Variants in COL4A6 observed in about 807,000 individuals in gnomAD.
COL4A6 encodes collagen alpha-6(IV) chain.
Under a neutral mutation model 126.7 loss-of-function variants are expected in COL4A6, and 59 were observed. The observed-to-expected ratio is 0.47, with a 90% CI of 0.38 to 0.58. COL4A6 has a LOEUF of 0.58. Ranked by LOEUF, COL4A6 falls within the 20% of genes least tolerant of loss-of-function variation. COL4A6 has a pLI of 0.00. For missense variants in COL4A6, 1,285 were observed against 1,337.3 expected (o/e 0.96, Z 0.61); for synonymous variants, 547 against 496.6 (o/e 1.10, Z -1.35).
chrX:108,221,978 A>G (rs1294960666), intron 3 of COL4A6, among the ~76,000 whole-genome samples: 4 of 112,509 alleles, frequency 3.6e-5, no homozygotes, highest in Non-Finnish European at 7.5e-5. Context: ...TGAATTGCTT[A>G]TTTGTTCTTT....
chrX:108,194,998 C>A, intron 15 of COL4A6, 84 bp downstream of exon 15: 1 of 726,526 alleles, frequency 1.4e-6, no homozygotes. Flanking sequence ...AGTAATGTCT[C>A]CCTTTGGCCA....
chrX:108,326,061 G>C (rs2039150370), intron 2 of COL4A6, among the ~76,000 whole-genome samples: 1 of 111,706 alleles, frequency 9.0e-6, no homozygotes, highest in Non-Finnish European at 1.9e-5. Flanking sequence ...TTGTGCTACA[G>C]GTTCTAGCCA....
intron 3 of COL4A6, among the ~76,000 whole-genome samples, chrX:108,273,110 G>A (rs1297371814): frequency 9.1e-6 from 1 of 109,872 alleles, no homozygotes; most frequent in Non-Finnish European, 1.9e-5. Context: ...ACAGGCCCCG[G>A]TGTGTGACGT....
At chrX:108,199,682 A>G (rs989989947) in intron 13 of COL4A6, among the ~76,000 whole-genome samples, 12 of 111,793 alleles carry the variant, frequency 1.1e-4, no homozygotes, top group African/African-American at 3.9e-4. Flanking sequence ...TTTACAGGAC[A>G]AAAGGGAATG....
At chrX:108,227,435 G>A (rs959355659) in intron 3 of COL4A6, among the ~76,000 whole-genome samples, 10 of 111,325 alleles carry the variant, frequency 9.0e-5, no homozygotes, top group African/African-American at 3.3e-4. Flanking sequence ...ATGTGGCCAA[G>A]GTGGTCAGGC....
chrX:108,414,788 T>C (rs1212356265), intron 2 of COL4A6, among the ~76,000 whole-genome samples: 1 of 110,693 alleles, frequency 9.0e-6, no homozygotes, highest in African/African-American at 3.3e-5. Flanking sequence ...TGAGATCCTG[T>C]CTCAAAAACA....
chrX:108,261,737 T>C, intron 3 of COL4A6, among the ~76,000 whole-genome samples: 1 of 111,515 alleles, frequency 9.0e-6, no homozygotes, highest in African/African-American at 3.3e-5. Flanking sequence ...GGGAGGAGTA[T>C]GTAATTATGC....
chrX:108,249,624 T>A (rs946507110), intron 3 of COL4A6, among the ~76,000 whole-genome samples: 1 of 111,840 alleles, frequency 8.9e-6, no homozygotes, highest in Admixed American at 9.5e-5. Flanking sequence ...GATATCTTCA[T>A]AGGGGTGAAG....
intron 2 of COL4A6, among the ~76,000 whole-genome samples, chrX:108,381,635 G>A (rs1342813434): frequency 9.0e-6 from 1 of 111,210 alleles, no homozygotes; most frequent in Non-Finnish European, 1.9e-5. Flanking sequence ...GCTATTATGG[G>A]AATTAAATGA....
intron 42 of COL4A6, 120 bp from the exon 43 acceptor site, chrX:108,160,774 C>T: frequency 1.6e-6 from 1 of 637,631 alleles, no homozygotes; most frequent in Non-Finnish European, 2.2e-6. Flanking sequence ...ACTCAATCCT[C>T]ACGATGACCC....
chrX:108,318,897 A>G (rs2038951177), intron 2 of COL4A6, among the ~76,000 whole-genome samples: 2 of 112,608 alleles, frequency 1.8e-5, no homozygotes, highest in African/African-American at 3.2e-5. Flanking sequence ...GCTTTTGTCT[A>G]GCAACTCCAC....
At chrX:108,202,900 T>C in intron 13 of COL4A6, 28 bp downstream of exon 13, 1 of 1,172,911 alleles carries the variant, frequency 8.5e-7, no homozygotes, top group Non-Finnish European at 1.2e-6. Context: ...GACCCTTGTA[T>C]ACATATTGAT....
At chrX:108,375,678 C>CTT (rs142100994) in intron 2 of COL4A6, among the ~76,000 whole-genome samples, 7 of 95,276 alleles carry the variant, frequency 7.3e-5, no homozygotes, top group South Asian at 4.8e-4. Flanking sequence ...TAGGCTAAAT[C>CTT]TTTTTTTTTT....
intron 2 of COL4A6, among the ~76,000 whole-genome samples, chrX:108,365,649 C>T (rs772907826): frequency 2.7e-5 from 3 of 112,134 alleles, no homozygotes; most frequent in African/African-American, 6.5e-5. Flanking sequence ...AAGGGAGAAG[C>T]GAATGTGGGC....
chrX:108,179,413 C>T lies in COL4A6; in HGVS notation c.2157G>A (p.Lys719=). Residue 719 remains lysine (K), a synonymous_variant, in exon 26 of 45, where the codon AAG becomes AAA. Transcript: ENST00000334504. ...LPGFPGPRGE[K]GLPGFPGLPG... is the part of the protein sequence containing the mutation. ...GGAGCCCAGGAAACCCAGGCAAGCCCTTCTCCCCACGAGGTCCAGGAAATC... is the reference window on the plus strand; with the variant it reads ...GGAGCCCAGGAAACCCAGGCAAGCCTTTCTCCCCACGAGGTCCAGGAAATC... The T allele has an allele frequency of 8.3e-7, 1 of 1,207,231 alleles. No individual in the cohort carries two copies. The highest frequency in any genetic ancestry group is 1.1e-6 in the Non-Finnish European group (1 of 893,158).
At position 108,176,973 on chromosome X, in the gene COL4A6, G is replaced by A. The variant is rs980749714; in HGVS notation, c.2554C>T (p.Pro852Ser). Residue 852 changes from proline (P) to serine (S), a missense_variant, in exon 28 of 45, where the codon CCT becomes TCT. Transcript: ENST00000334504. ...CCTTTCTTTACAATTGATCCAGGAG[G>A]ACCTTTCTTGCCTCTTGTTCCTTTC... ...GKKGTRGKKG[P>S]PGSIVKKGLP... The A allele has an allele frequency of 2.5e-6, 3 of 1,210,194 alleles. No homozygotes were observed. The African/African-American group carries it at 5.2e-5, about 21-fold the overall frequency.
chrX:108,373,345 G>A (rs1418417929), intron 2 of COL4A6, among the ~76,000 whole-genome samples: 1 of 112,029 alleles, frequency 8.9e-6, no homozygotes, highest in Non-Finnish European at 1.9e-5. Flanking sequence ...TTGAGAGCTT[G>A]ACTGAATTTA....
chrX:108,299,772 A>C (rs752407062), intron 3 of COL4A6, among the ~76,000 whole-genome samples: 5 of 111,992 alleles, frequency 4.5e-5, no homozygotes, highest in Non-Finnish European at 5.6e-5. Flanking sequence ...GCTGAGGATA[A>C]AAGGTGTAAA....
At position 108,438,249 on chromosome X, in the gene COL4A6, G is replaced by C; in HGVS notation, c.-53C>G. On this transcript the variant is annotated 5_prime_UTR_variant, in exon 1 of 45. Coordinates refer to ENST00000334504, the MANE Select transcript of COL4A6 (RefSeq NM_033641.4). ...CGGGAGACTGCTAAGCGGCTCCGCGGCCCGTGCTCATCTGGGCTCTGCTGA... is the reference window on the plus strand; with the variant it reads ...CGGGAGACTGCTAAGCGGCTCCGCGCCCCGTGCTCATCTGGGCTCTGCTGA... The C allele has an allele frequency of 1.7e-6, 2 of 1,161,101 alleles. No individual in the cohort carries two copies. Among genetic ancestry groups the C allele is most frequent in the East Asian group, 3.0e-5 (1 of 33,439 alleles).
Sources: allele counts gnomAD v4.1 joint callset (sites outside exome capture counted in the v4.1 genomes callset), GRCh38; gene constraint gnomAD v4.1.1; transcripts MANE v1.5; gene names NCBI Gene and HGNC (gene_info 2026-07-23, HGNC 2026-07-21).